GRIK1: variants seen among roughly 807,000 people sequenced by gnomAD.
GRIK1 encodes glutamate ionotropic receptor kainate type subunit 1, also known as glutamate receptor ionotropic, kainate 1.
In GRIK1, 69 loss-of-function variants were observed where a neutral mutation model predicts 105.7. That is an observed-to-expected ratio of 0.65 (90% CI 0.54 to 0.80). The LOEUF is 0.80. Among genes scored for constraint, GRIK1 ranks in the 30% least tolerant of loss-of-function variants. GRIK1 has a pLI of 0.00. For missense variants in GRIK1, 1,109 were observed against 1,167.3 expected (o/e 0.95, Z 0.73); for synonymous variants, 438 against 431.3 (o/e 1.02, Z -0.19).
At chr21:29,756,147 C>T (rs941310730) in intron 1 of GRIK1, among the ~76,000 whole-genome samples, 1 of 152,116 alleles carries the variant, frequency 6.6e-6, no homozygotes, top group African/African-American at 2.4e-5. Flanking sequence ...TTTGGGAGGC[C>T]GAGGCGGGCG....
chr21:29,834,977 T>C lies in GRIK1; in HGVS notation c.118+104406A>G, dbSNP rs975353441. On this transcript the variant is annotated intron_variant, in intron 1 of 17. Transcript: ENST00000327783. ...CTCTGGTCTTTAGCACAGGTTTGGC[T>C]CTTCTGATTTTCACACTCAGTCTTC... 3.3e-5 allele frequency among the ~76,000 whole-genome samples: 5 copies of C among 152,134 alleles called. No homozygotes were observed. In the East Asian group the frequency reaches 9.6e-4, roughly 29 times the overall value.
At chr21:29,934,274 A>C (rs2071670902) in intron 1 of GRIK1, among the ~76,000 whole-genome samples, 1 of 152,136 alleles carries the variant, frequency 6.6e-6, no homozygotes, top group Admixed American at 6.5e-5. Flanking sequence ...TATAAATCAC[A>C]CTCACTTTTA....
chr21:29,744,448 C>T (rs2065002557), intron 1 of GRIK1, among the ~76,000 whole-genome samples: 1 of 152,320 alleles, frequency 6.6e-6, no homozygotes, highest in South Asian at 2.1e-4. Context: ...TTGCACACCT[C>T]CAACATCACT....
At chr21:29,903,320 G>T (rs1327287421) in intron 1 of GRIK1, among the ~76,000 whole-genome samples, 2 of 152,152 alleles carry the variant, frequency 1.3e-5, no homozygotes, top group Non-Finnish European at 2.9e-5. Context: ...CACAGCAAAA[G>T]AAATTATCAT....
At chr21:29,818,269 C>T (rs192495417) in intron 1 of GRIK1, among the ~76,000 whole-genome samples, 196 of 152,132 alleles carry the variant, frequency 1.3e-3, no homozygotes, top group Middle Eastern at 6.8e-3. Context: ...TGGGAGCAAA[C>T]CTTTTGAGAA....
intron 1 of GRIK1, among the ~76,000 whole-genome samples, chr21:29,768,579 C>T (rs926909582): frequency 5.9e-5 from 9 of 152,156 alleles, no homozygotes; most frequent in East Asian, 1.9e-4. Context: ...TCACTCCCAT[C>T]GGTTAAGAAT....
chr21:29,667,806 G>A (rs1053746174), intron 4 of GRIK1, among the ~76,000 whole-genome samples: 2 of 152,180 alleles, frequency 1.3e-5, no homozygotes, highest in Non-Finnish European at 2.9e-5. Context: ...GCCTGAAATA[G>A]CGATTTGCTC....
intron 10 of GRIK1, among the ~76,000 whole-genome samples, chr21:29,590,633 ACTC>A (rs1337549769): frequency 6.6e-6 from 1 of 152,104 alleles, no homozygotes; most frequent in East Asian, 1.9e-4. Flanking sequence ...AGGAAAGAAT[ACTC>A]CTGAAGCTCA....
chr21:29,725,263 T>G (rs2064428404), intron 1 of GRIK1, among the ~76,000 whole-genome samples: 1 of 152,196 alleles, frequency 6.6e-6, no homozygotes, highest in Non-Finnish European at 1.5e-5. Flanking sequence ...TCATTGCTAG[T>G]AAGTAAACAT....
intron 1 of GRIK1, among the ~76,000 whole-genome samples, chr21:29,806,851 C>T (rs1466928924): frequency 1.3e-5 from 2 of 152,214 alleles, no homozygotes; most frequent in Non-Finnish European, 2.9e-5. Flanking sequence ...ATAGTTTTGT[C>T]TATTCTTAGT....
chr21:29,856,071 A>G lies in GRIK1; in HGVS notation c.118+83312T>C, dbSNP rs147563489. ...GTAGAGATTCCAAGCTGGTCCTTGAATATATGTCTAGATTTCTGGGGTACA... is the reference window on the plus strand; with the variant it reads ...GTAGAGATTCCAAGCTGGTCCTTGAGTATATGTCTAGATTTCTGGGGTACA... On this transcript the variant is annotated intron_variant, in intron 1 of 17. Coordinates refer to ENST00000327783, the MANE Select transcript of GRIK1 (RefSeq NM_001330994.2). Among the ~76,000 whole-genome samples, 32 of 152,204 alleles carry G rather than the reference A, an allele frequency of 2.1e-4. 1 individual carries two copies. Among genetic ancestry groups the G allele is most frequent in the African/African-American group, 7.7e-4 (32 of 41,518 alleles).
chr21:29,874,550 G>A (rs1468183090), intron 1 of GRIK1, among the ~76,000 whole-genome samples: 2 of 152,150 alleles, frequency 1.3e-5, no homozygotes, highest in Non-Finnish European at 2.9e-5. Flanking sequence ...TTCGTCCGCC[G>A]CTCACCTCCT....
rs148128411 is a variant in GRIK1 at position 29,777,104 on chromosome 21, G to T, written c.119-83041C>A. Among the ~76,000 whole-genome samples, 408 of 152,190 alleles carry T rather than the reference G, an allele frequency of 2.7e-3. 2 individuals are homozygous for T. Among genetic ancestry groups the T allele is most frequent in the African/African-American group, 9.2e-3 (380 of 41,524 alleles). ...TAAGTAACAAGAATCCAATTCTCAGGCCCCACCCTAGACCAAGTAACTCAA... is the reference window on the plus strand; with the variant it reads ...TAAGTAACAAGAATCCAATTCTCAGTCCCCACCCTAGACCAAGTAACTCAA... On this transcript the variant is annotated intron_variant, in intron 1 of 17. Transcript: ENST00000327783.
chr21:29,671,444 T>C lies in GRIK1; in HGVS notation c.726+1539A>G, dbSNP rs190027716. 4.7e-3 allele frequency among the ~76,000 whole-genome samples: 717 copies of C among 151,362 alleles called. 4 individuals carry two copies. The highest frequency in any genetic ancestry group is 8.3e-3 in the South Asian group (40 of 4,796). ...TTTACTCTAATCATCCAGCACATAA[T>C]AGAAACATTTGGTCAACTTTTTTGA... On this transcript the variant is annotated intron_variant, in intron 4 of 17. Transcript: ENST00000327783.
intron 3 of GRIK1, among the ~76,000 whole-genome samples, chr21:29,676,656 A>G (rs1374814408): frequency 2.6e-5 from 4 of 152,194 alleles, no homozygotes; most frequent in Non-Finnish European, 5.9e-5. Flanking sequence ...AGGTGCATGT[A>G]ATGCTGATAA....
chr21:29,577,742 A>G (rs1276867032), intron 13 of GRIK1, among the ~76,000 whole-genome samples: 2 of 152,224 alleles, frequency 1.3e-5, no homozygotes, highest in Admixed American at 1.3e-4. Flanking sequence ...ATGTTACCTT[A>G]AAAGCTACAA....
At chr21:29,704,826 A>G (rs1399222995) in intron 1 of GRIK1, among the ~76,000 whole-genome samples, 2 of 152,184 alleles carry the variant, frequency 1.3e-5, no homozygotes, top group African/African-American at 4.8e-5. Flanking sequence ...GCCCCTTAAC[A>G]TCATGAAGGT....
intron 3 of GRIK1, among the ~76,000 whole-genome samples, chr21:29,674,955 G>C (rs939533269): frequency 6.6e-6 from 1 of 152,086 alleles, no homozygotes; most frequent in East Asian, 1.9e-4. Context: ...ATAATCACCT[G>C]CTTGTCTTCT....
At chr21:29,564,697 C>T (rs1169110110) in intron 14 of GRIK1, among the ~76,000 whole-genome samples, 1 of 152,138 alleles carries the variant, frequency 6.6e-6, no homozygotes, top group African/African-American at 2.4e-5. Flanking sequence ...AGCTTTGGTC[C>T]TCCTGCATGG....
Sources: allele counts gnomAD v4.1 joint callset (sites outside exome capture counted in the v4.1 genomes callset), GRCh38; gene constraint gnomAD v4.1.1; transcripts MANE v1.5; gene names NCBI Gene and HGNC (gene_info 2026-07-23, HGNC 2026-07-21).